Variants in KCNH8 observed in about 807,000 individuals in gnomAD.
KCNH8 encodes voltage-gated delayed rectifier potassium channel KCNH8.
Under a neutral mutation model 103.6 loss-of-function variants are expected in KCNH8, and 70 were observed. The observed-to-expected ratio is 0.68, with a 90% CI of 0.56 to 0.82. KCNH8 has a LOEUF of 0.82. Ranked by LOEUF, KCNH8 falls within the 40% of genes least tolerant of loss-of-function variation. The probability of loss-of-function intolerance (pLI) is 0.00; values close to 1 mark genes in which losing one functional copy is unlikely to be tolerated. For missense variants in KCNH8, 1,217 were observed against 1,329.9 expected (o/e 0.92, Z 1.32); for synonymous variants, 498 against 489.4 (o/e 1.02, Z -0.23).
chr3:19,346,873 A>G (rs2065736701), intron 4 of KCNH8: 1 of 341,058 alleles, frequency 2.9e-6, no homozygotes, highest in Admixed American at 3.8e-5. Flanking sequence ...AGGCTTGTCA[A>G]ATTTCCACAC....
At chr3:19,419,260 C>T (rs1189064264) in intron 7 of KCNH8, among the ~76,000 whole-genome samples, 3 of 133,696 alleles carry the variant, frequency 2.2e-5, no homozygotes, top group African/African-American at 8.5e-5. Flanking sequence ...AGTGCAGTGG[C>T]GCGATCTCGG....
chr3:19,151,460 A>G (rs1013890543), intron 1 of KCNH8, among the ~76,000 whole-genome samples: 1 of 152,050 alleles, frequency 6.6e-6, no homozygotes, highest in Non-Finnish European at 1.5e-5. Flanking sequence ...TTATGAAAAA[A>G]AAATTAGAGA....
At chr3:19,463,360 T>A (rs2067672289) in intron 11 of KCNH8, among the ~76,000 whole-genome samples, 1 of 152,036 alleles carries the variant, frequency 6.6e-6, no homozygotes, top group Admixed American at 6.6e-5. Flanking sequence ...TGCATAAAGT[T>A]AATAGAGGAC....
chr3:19,257,444 T>C (rs2064360898), intron 2 of KCNH8, among the ~76,000 whole-genome samples: 1 of 152,062 alleles, frequency 6.6e-6, no homozygotes, highest in South Asian at 2.1e-4. Context: ...CATGTCCTAT[T>C]TGTTTTCTTC....
chr3:19,415,432 C>A (rs2066848578), intron 7 of KCNH8, among the ~76,000 whole-genome samples: 1 of 138,070 alleles, frequency 7.2e-6, no homozygotes. Flanking sequence ...TAAGATTTAT[C>A]CATGGTAATA....
chr3:19,503,650 T>C (rs1178252277), intron 11 of KCNH8, among the ~76,000 whole-genome samples: 1 of 151,912 alleles, frequency 6.6e-6, no homozygotes, highest in African/African-American at 2.4e-5. Flanking sequence ...AAATTGGAAA[T>C]CATCATTCTC....
intron 1 of KCNH8, among the ~76,000 whole-genome samples, chr3:19,174,115 T>C (rs527963511): frequency 6.6e-6 from 1 of 151,976 alleles, no homozygotes; most frequent in Middle Eastern, 3.4e-3. Flanking sequence ...TAAAAAGAAG[T>C]AAGAAAAAGA....
At chr3:19,521,287 T>C (rs1575170764) in intron 15 of KCNH8, among the ~76,000 whole-genome samples, 1 of 152,042 alleles carries the variant, frequency 6.6e-6, no homozygotes, top group East Asian at 1.9e-4. Flanking sequence ...GAATTCACTT[T>C]GGAAAGAGAC....
intron 11 of KCNH8, among the ~76,000 whole-genome samples, chr3:19,480,952 ACTT>A (rs997569427): frequency 2.2e-4 from 34 of 152,268 alleles, no homozygotes; most frequent in African/African-American, 7.9e-4. Flanking sequence ...CTATGGGGAA[ACTT>A]CTTAAATCAA....
chr3:19,357,111 G>A (rs925513368), intron 5 of KCNH8, among the ~76,000 whole-genome samples: 1 of 151,608 alleles, frequency 6.6e-6, no homozygotes, highest in Non-Finnish European at 1.5e-5. Flanking sequence ...TCACTTCCTG[G>A]TGTGAAGATC....
chr3:19,505,378 T>C (rs1307053944), intron 11 of KCNH8, among the ~76,000 whole-genome samples: 1 of 152,034 alleles, frequency 6.6e-6, no homozygotes, highest in Non-Finnish European at 1.5e-5. Flanking sequence ...GGGAATGAAA[T>C]AATCTGTACA....
chr3:19,258,908 TC>T (rs1559446761), intron 2 of KCNH8, among the ~76,000 whole-genome samples: 41 of 27,960 alleles, frequency 1.5e-3, no homozygotes, highest in South Asian at 3.4e-3. Context: ...TTTCTGTTTC[TC>T]TCTCTCTCTC....
intron 1 of KCNH8, among the ~76,000 whole-genome samples, chr3:19,217,361 A>T (rs1000426545): frequency 6.6e-6 from 1 of 152,224 alleles, no homozygotes; most frequent in Non-Finnish European, 1.5e-5. Context: ...TATGATTAGC[A>T]TACATATTGT....
intron 1 of KCNH8, among the ~76,000 whole-genome samples, chr3:19,205,768 T>C (rs891409160): frequency 2.0e-5 from 3 of 151,946 alleles, no homozygotes; most frequent in African/African-American, 7.3e-5. Flanking sequence ...GCATAAAAAG[T>C]ATGAGCAGAG....
At chr3:19,530,604 G>C (rs1298455990) in intron 15 of KCNH8, among the ~76,000 whole-genome samples, 1 of 152,078 alleles carries the variant, frequency 6.6e-6, no homozygotes, top group Non-Finnish European at 1.5e-5. Context: ...TTGCTATGAA[G>C]ATATTTTACT....
chr3:19,478,584 G>T (rs903483226), intron 11 of KCNH8, among the ~76,000 whole-genome samples: 12 of 151,978 alleles, frequency 7.9e-5, no homozygotes, highest in African/African-American at 2.4e-4. Flanking sequence ...ATTACATTTG[G>T]TTTCTATACT....
At chr3:19,238,175 C>G (rs999766691) in intron 1 of KCNH8, among the ~76,000 whole-genome samples, 1 of 152,156 alleles carries the variant, frequency 6.6e-6, no homozygotes, top group Admixed American at 6.5e-5. Flanking sequence ...CTTTTGGTAA[C>G]AGCGAGATCA....
chr3:19,250,411 T>G (rs2064261929), intron 1 of KCNH8, among the ~76,000 whole-genome samples: 1 of 151,078 alleles, frequency 6.6e-6, no homozygotes, highest in Non-Finnish European at 1.5e-5. Flanking sequence ...AAAATAAAAC[T>G]TGATATATGC....
At chr3:19,304,567 A>G (rs978187147) in intron 3 of KCNH8, among the ~76,000 whole-genome samples, 1 of 152,154 alleles carries the variant, frequency 6.6e-6, no homozygotes, top group African/African-American at 2.4e-5. Context: ...GTGAAGATTA[A>G]AAGATAATGA....
Sources: allele counts gnomAD v4.1 joint callset (sites outside exome capture counted in the v4.1 genomes callset), GRCh38; gene constraint gnomAD v4.1.1; transcripts MANE v1.5; gene names NCBI Gene and HGNC (gene_info 2026-07-23, HGNC 2026-07-21).